Variants in GREM2 observed in about 807,000 individuals in gnomAD.
GREM2 encodes gremlin-2.
Under a neutral mutation model 14.2 loss-of-function variants are expected in GREM2, and 11 were observed. The observed-to-expected ratio is 0.78, with a 90% CI of 0.49 to 1.28. The LOEUF (loss-of-function observed/expected upper bound fraction) is 1.28, where lower values mean the gene tolerates loss of function less well. Ranked by LOEUF, GREM2 falls within the 50% of genes most tolerant of loss-of-function variation. The probability of loss-of-function intolerance (pLI) is 0.00; values close to 1 mark genes in which losing one functional copy is unlikely to be tolerated. For missense variants in GREM2, 210 were observed against 218.5 expected, an observed-to-expected ratio of 0.96 and a Z score of 0.24; for synonymous variants, 98 against 97.6, an observed-to-expected ratio of 1.00 and a Z score of -0.02.
chr1:240,498,678 C>G (rs1244190379), intron 1 of GREM2, among the ~76,000 whole-genome samples: 1 of 152,210 alleles, frequency 6.6e-6, no homozygotes, highest in Non-Finnish European at 1.5e-5. Context: ...TAGAAAGTCC[C>G]ACTCTGTCCT....
At chr1:240,533,097 A>C (rs1678400316) in intron 1 of GREM2, among the ~76,000 whole-genome samples, 1 of 152,258 alleles carries the variant, frequency 6.6e-6, no homozygotes, top group Non-Finnish European at 1.5e-5. Flanking sequence ...GGACAGGAAA[A>C]GGAACACAAT....
chr1:240,604,368 C>G (rs1013389935), intron 1 of GREM2, among the ~76,000 whole-genome samples: 1 of 150,228 alleles, frequency 6.7e-6, no homozygotes, highest in African/African-American at 2.5e-5. Flanking sequence ...ATTGTCTGGT[C>G]CTGTTTATAA....
intron 1 of GREM2, among the ~76,000 whole-genome samples, chr1:240,603,366 G>C (rs181950222): frequency 2.0e-5 from 3 of 152,150 alleles, no homozygotes; most frequent in Admixed American, 6.5e-5. Context: ...CAAGTAAACG[G>C]AAGAGATACA....
At chr1:240,530,920 G>A (rs1572385132) in intron 1 of GREM2, 4 of 152,290 alleles carry the variant, frequency 2.6e-5, no homozygotes, top group South Asian at 2.1e-4. Flanking sequence ...AAATCACAAT[G>A]CTTTCTTGAG....
rs140600987 is a variant in GREM2 at position 240,510,135 on chromosome 1, C to T, written c.-1-16659G>A. 7.1e-3 allele frequency among the ~76,000 whole-genome samples: 1,084 copies of T among 151,972 alleles called. 13 individuals are homozygous for T. The highest frequency in any genetic ancestry group is 0.024 in the African/African-American group (996 of 41,474). On this transcript the variant is annotated intron_variant, in intron 1 of 1. Transcript: ENST00000318160. Reference sequence around the variant, plus strand: ...CTGTAATCCCAGCACTTTGGGAGGCCGAGGCGGGCGGATCACGAGGTCAGG... The same window carrying T: ...CTGTAATCCCAGCACTTTGGGAGGCTGAGGCGGGCGGATCACGAGGTCAGG...
chr1:240,560,734 G>A lies in GREM2; in HGVS notation c.-2+51150C>T, dbSNP rs564117148. On this transcript the variant is annotated intron_variant, in intron 1 of 1. Transcript: ENST00000318160. ...CTGACACCATAATGGCTTACAGAATGAAATAGCATAAAGCCCAGCCTTGTA... is the reference window on the plus strand; with the variant it reads ...CTGACACCATAATGGCTTACAGAATAAAATAGCATAAAGCCCAGCCTTGTA... 3.9e-5 allele frequency among the ~76,000 whole-genome samples: 6 copies of A among 152,258 alleles called. No individual in the cohort carries two copies. The South Asian group carries it at 1.2e-3, about 32-fold the overall frequency.
At chr1:240,562,044 A>G (rs999493154) in intron 1 of GREM2, among the ~76,000 whole-genome samples, 4 of 152,328 alleles carry the variant, frequency 2.6e-5, no homozygotes, top group Admixed American at 2.6e-4. Flanking sequence ...TAAATGTATT[A>G]TAATAATCAC....
chr1:240,527,331 T>C (rs1678247366), intron 1 of GREM2, among the ~76,000 whole-genome samples: 1 of 152,204 alleles, frequency 6.6e-6, no homozygotes, highest in Non-Finnish European at 1.5e-5. Flanking sequence ...ACTGGGAGTC[T>C]TTAAAATAAT....
Position 240,521,448 on chromosome 1 carries a change from G to A in GREM2, c.-1-27972C>T, listed in dbSNP as rs911537571. ...TAGCCGGGCATGGTGAGGGGCGACTGTAGTCCCAGCTACTCGAGAGGCTGA... is the reference window on the plus strand; with the variant it reads ...TAGCCGGGCATGGTGAGGGGCGACTATAGTCCCAGCTACTCGAGAGGCTGA... On this transcript the variant is annotated intron_variant, in intron 1 of 1. Transcript: ENST00000318160. Among the ~76,000 whole-genome samples, 3 of 151,638 alleles carry A rather than the reference G, an allele frequency of 2.0e-5. 1 individual carries two copies. The highest frequency in any genetic ancestry group is 7.3e-5 in the African/African-American group (3 of 41,080).
At chr1:240,605,986 A>G (rs983389894) in intron 1 of GREM2, among the ~76,000 whole-genome samples, 2 of 152,128 alleles carry the variant, frequency 1.3e-5, no homozygotes, top group African/African-American at 2.4e-5. Context: ...AGTCTGTAGC[A>G]TAAGGGATAA....
rs568752131 is a variant in GREM2 at position 240,530,430 on chromosome 1, C to A, written c.-1-36954G>T. On this transcript the variant is annotated intron_variant, in intron 1 of 1. Coordinates refer to ENST00000318160, the MANE Select transcript of GREM2 (RefSeq NM_022469.4). ...TCATTTCTGGTTCGCACACAAAAAACCAAGCTATTCTCCAGATACTTTCTA... is the reference window on the plus strand; with the variant it reads ...TCATTTCTGGTTCGCACACAAAAAAACAAGCTATTCTCCAGATACTTTCTA... 31 of 152,264 alleles carry A rather than the reference C, an allele frequency of 2.0e-4. No individual in the cohort carries two copies. The East Asian group carries it at 3.1e-3, about 15-fold the overall frequency. The allele number at this position is 152,264 out of a possible 1,614,324, so 9.4% of individuals were successfully genotyped here.
rs375912371 is a variant in GREM2 at position 240,540,421 on chromosome 1, G to C, written c.-1-46945C>G. 8.1e-4 allele frequency among the ~76,000 whole-genome samples: 124 copies of C among 152,278 alleles called. 1 individual carries two copies. The highest frequency in any genetic ancestry group is 2.9e-3 in the African/African-American group (122 of 41,566). On this transcript the variant is annotated intron_variant, in intron 1 of 1. Transcript: ENST00000318160. The surrounding 1 kb of genome is among the most constrained non-coding windows in gnomAD (Gnocchi z 4.2). Reference sequence around the variant, plus strand: ...CAAGAAAACAAACAAAACAGGATCAGGGGATTTGTCCTTGAATGGGCTGTT... The same window carrying C: ...CAAGAAAACAAACAAAACAGGATCACGGGATTTGTCCTTGAATGGGCTGTT...
intron 1 of GREM2, among the ~76,000 whole-genome samples, chr1:240,606,665 A>G (rs1680030930): frequency 1.3e-5 from 2 of 150,770 alleles, no homozygotes; most frequent in Non-Finnish European, 2.9e-5. Flanking sequence ...AAGAGTTAAG[A>G]TTGAAACAGT....
intron 1 of GREM2, among the ~76,000 whole-genome samples, chr1:240,560,891 A>G (rs1032513111): frequency 4.6e-5 from 7 of 152,106 alleles, no homozygotes; most frequent in African/African-American, 1.4e-4. Context: ...TACTTTCACT[A>G]TTTCACAGCC....
At chr1:240,513,338 A>G (rs1047235879) in intron 1 of GREM2, among the ~76,000 whole-genome samples, 1 of 152,126 alleles carries the variant, frequency 6.6e-6, no homozygotes, top group African/African-American at 2.4e-5. Context: ...GCACTTTGGG[A>G]GACCGAGGCG....
intron 1 of GREM2, among the ~76,000 whole-genome samples, chr1:240,607,190 A>C (rs1680043502): frequency 6.6e-6 from 1 of 152,210 alleles, no homozygotes; most frequent in Non-Finnish European, 1.5e-5. Context: ...TGATGTTTAC[A>C]GCTGGAATGA....
chr1:240,519,342 G>GC (rs1446135534), intron 1 of GREM2, among the ~76,000 whole-genome samples: 2 of 145,826 alleles, frequency 1.4e-5, no homozygotes, highest in African/African-American at 2.5e-5. Context: ...AACTTCTCTA[G>GC]TTTTTTTTTT....
At chr1:240,585,276 T>C (rs983276494) in intron 1 of GREM2, among the ~76,000 whole-genome samples, 8 of 152,136 alleles carry the variant, frequency 5.3e-5, no homozygotes, top group South Asian at 2.1e-4. Context: ...TCTTAGGACC[T>C]TGCCACCATA....
intron 1 of GREM2, among the ~76,000 whole-genome samples, chr1:240,568,485 A>T (rs1679204834): frequency 6.6e-6 from 1 of 152,210 alleles, no homozygotes; most frequent in African/African-American, 2.4e-5. Context: ...TAACTATATC[A>T]ATAATCACAT....
Sources: allele counts gnomAD v4.1 joint callset (sites outside exome capture counted in the v4.1 genomes callset), GRCh38; gene constraint gnomAD v4.1.1; non-coding constraint Gnocchi (gnomAD v3.1); transcripts MANE v1.5; gene names NCBI Gene and HGNC (gene_info 2026-07-23, HGNC 2026-07-21).